ABCA13: variants seen among roughly 807,000 people sequenced by gnomAD.
ABCA13 encodes ATP binding cassette subfamily A member 13, also known as ATP-binding cassette sub-family A member 13.
Under a neutral mutation model 478.7 loss-of-function variants are expected in ABCA13, and 476 were observed. That is an observed-to-expected ratio of 0.99 (90% CI 0.92 to 1.07). ABCA13 has a LOEUF of 1.07. Among genes scored for constraint, ABCA13 ranks in the 50% least tolerant of loss-of-function variants. The probability of loss-of-function intolerance (pLI) is 0.00; values close to 1 mark genes in which losing one functional copy is unlikely to be tolerated. For synonymous variants in ABCA13, 2,252 were observed against 2,158.9 expected, an observed-to-expected ratio of 1.04 and a Z score of -1.20; for missense variants, 6,060 against 5,910.6, an observed-to-expected ratio of 1.03 and a Z score of -0.83.
intron 55 of ABCA13, among the ~76,000 whole-genome samples, chr7:48,573,180 T>C (rs1347495760): frequency 1.3e-5 from 2 of 152,122 alleles, no homozygotes; most frequent in Admixed American, 6.5e-5. Context: ...AGTTATAAAA[T>C]TTTTATTTGA....
At chr7:48,402,661 A>T (rs985827118) in intron 38 of ABCA13, among the ~76,000 whole-genome samples, 6 of 152,230 alleles carry the variant, frequency 3.9e-5, no homozygotes, top group African/African-American at 1.4e-4. Context: ...TTACTTAGTC[A>T]TCAGGCAGAA....
At chr7:48,254,009 A>T (rs1792992134) in intron 15 of ABCA13, among the ~76,000 whole-genome samples, 1 of 144,330 alleles carries the variant, frequency 6.9e-6, no homozygotes, top group Non-Finnish European at 1.5e-5. Flanking sequence ...TGTTTTCTTT[A>T]GTCTCTATGC....
intron 57 of ABCA13, among the ~76,000 whole-genome samples, chr7:48,594,317 C>A (rs375390849): frequency 1.9e-4 from 29 of 152,058 alleles, no homozygotes; most frequent in African/African-American, 7.0e-4. Context: ...CCCTCAAGTT[C>A]ACAGATTTTT....
chr7:48,471,549 C>T lies in ABCA13; in HGVS notation c.12925C>T (p.Arg4309Cys), dbSNP rs763439416. The T allele has an allele frequency of 1.0e-4, 159 of 1,561,432 alleles. No individual in the cohort carries two copies. Among genetic ancestry groups the T allele is most frequent in the African/African-American group, 3.3e-4 (24 of 73,808 alleles). Residue 4309 changes from arginine to cysteine, a missense_variant, in exon 45 of 62, where the codon CGC (arginine) becomes TGC (cysteine). This residue lies in a region of ABCA13 where 1,627 missense variants were observed against 1,571.0 expected (regional missense o/e 1.04). Transcript: ENST00000435803. ...NPRQKNSSCW[R>C]TDPFSHPEFQ... The stretch of plus-strand genomic sequence containing the variant: ...TTTTAGGAAGAATTCTTCATGCTGG[C>T]GCACAGATCCCTTTTCTCACCCAGA...
intron 27 of ABCA13, among the ~76,000 whole-genome samples, chr7:48,330,237 CCATCCATT>C (rs1805088678): frequency 6.6e-6 from 1 of 151,762 alleles, no homozygotes; most frequent in Non-Finnish European, 1.5e-5. Flanking sequence ...ATTCACATAT[CCATCCATT>C]CATCCATGTA....
intron 42 of ABCA13, among the ~76,000 whole-genome samples, chr7:48,433,427 G>T (rs1822408419): frequency 6.7e-6 from 1 of 149,172 alleles, no homozygotes; most frequent in Non-Finnish European, 1.5e-5. Flanking sequence ...TAGCAAATGT[G>T]TTTTTATATA....
intron 42 of ABCA13, 106 bp from the exon 43 acceptor site, chr7:48,454,931 C>A (rs965226366): frequency 5.7e-6 from 8 of 1,397,670 alleles, no homozygotes; most frequent in Non-Finnish European, 6.5e-6. Context: ...GCGTCGCATT[C>A]CCATGGCTGC....
At chr7:48,371,253 A>T (rs1812584189) in intron 32 of ABCA13, among the ~76,000 whole-genome samples, 1 of 151,962 alleles carries the variant, frequency 6.6e-6, no homozygotes, top group African/African-American at 2.4e-5. Flanking sequence ...GATTGTCTTG[A>T]CTATACAGGC....
At chr7:48,453,957 A>G (rs754747938) in intron 42 of ABCA13, among the ~76,000 whole-genome samples, 6 of 152,192 alleles carry the variant, frequency 3.9e-5, no homozygotes, top group Non-Finnish European at 8.8e-5. Flanking sequence ...CAATGCTGTG[A>G]CAAATGATGT....
chr7:48,366,459 T>C (rs1199293638), intron 31 of ABCA13, among the ~76,000 whole-genome samples: 1 of 152,082 alleles, frequency 6.6e-6, no homozygotes, highest in Non-Finnish European at 1.5e-5. Flanking sequence ...TTTAGTCCTT[T>C]CTGTGCTGCT....
chr7:48,627,767 C>T lies in ABCA13; in HGVS notation c.14837+12390C>T, dbSNP rs372053719. Among the ~76,000 whole-genome samples the T allele has an allele frequency of 2.1e-3, 327 of 152,246 alleles. 2 individuals are homozygous for T. The highest frequency in any genetic ancestry group is 7.0e-3 in the African/African-American group (291 of 41,542). On this transcript the variant is annotated intron_variant, in intron 59 of 61. Transcript: ENST00000435803. The stretch of plus-strand genomic sequence containing the variant: ...CCTAGATTTGGTGGCTGCCTCTGGT[C>T]GGCTTCTGGTGAGGGCCTAGTGCTG...
intron 30 of ABCA13, among the ~76,000 whole-genome samples, chr7:48,351,358 A>G (rs533704702): frequency 1.3e-5 from 2 of 152,330 alleles, no homozygotes; most frequent in East Asian, 3.9e-4. Context: ...TTAGTTTCTT[A>G]AGGTTGCTGT....
At chr7:48,367,187 A>G (rs554051233) in intron 31 of ABCA13, among the ~76,000 whole-genome samples, 1 of 152,242 alleles carries the variant, frequency 6.6e-6, no homozygotes, top group Admixed American at 6.5e-5. Flanking sequence ...AAAAGAGAGG[A>G]GGAGGGAATG....
chr7:48,465,524 CTTTTT>C lies in ABCA13; in HGVS notation c.12816-1421_12816-1417del, dbSNP rs71552482. ...CTGTGGTTGCTTACATTTCTTCTTT[CTTTTT>C]TTTTTTTTTTGCATTTTCTGTTTTA... On this transcript the variant is annotated intron_variant, in intron 43 of 61. Coordinates refer to ENST00000435803, the MANE Select transcript of ABCA13 (RefSeq NM_152701.5). Among the ~76,000 whole-genome samples, 3 of 134,466 alleles carry C rather than the reference CTTTTT, an allele frequency of 2.2e-5. No homozygotes were observed. In the East Asian group the frequency reaches 6.4e-4, roughly 29 times the overall value. The allele number at this position is 134,466 out of a possible 152,430, so 88.2% of individuals were successfully genotyped here. A position where few individuals can be genotyped will look rare whatever the true frequency, so the allele number is the denominator to read the frequency against.
intron 25 of ABCA13, 120 bp from the exon 26 acceptor site, chr7:48,314,112 C>A (rs993335192): frequency 7.7e-6 from 9 of 1,167,492 alleles, no homozygotes; most frequent in Non-Finnish European, 1.1e-5. Flanking sequence ...ACATTCCATT[C>A]TTTTGACTTG....
intron 42 of ABCA13, among the ~76,000 whole-genome samples, chr7:48,440,755 C>A (rs1002243960): frequency 2.6e-5 from 4 of 151,686 alleles, no homozygotes; most frequent in Admixed American, 2.0e-4. Context: ...TATGCTTATA[C>A]ATCTGTTTTA....
At chr7:48,506,235 T>A in intron 48 of ABCA13, 101 bp from the exon 49 acceptor site, 1 of 1,302,328 alleles carries the variant, frequency 7.7e-7, no homozygotes, top group Admixed American at 1.9e-5. Context: ...GCAAGCAGGA[T>A]ACATTGTGAT....
chr7:48,356,645 G>A (rs1424631465), intron 31 of ABCA13, among the ~76,000 whole-genome samples: 6 of 151,744 alleles, frequency 4.0e-5, no homozygotes, highest in Admixed American at 3.9e-4. Flanking sequence ...TATTTTTCAT[G>A]TAGTATCTAC....
At position 48,528,238 on chromosome 7, in the gene ABCA13, C is replaced by A; in HGVS notation, c.14247C>A (p.Cys4749Ter). 6.4e-7 allele frequency: 1 copy of A among 1,569,478 alleles called. No homozygotes were observed. The highest frequency in any genetic ancestry group is 8.7e-7 in the Non-Finnish European group (1 of 1,155,696). ...TACTTAACTTTGTTTCCTCTTAGTG[C>A]TTTGGACTTCTAGGGGTGAATGGAG... The part of the protein sequence containing the change: ...DISLGIPKGE[C>*]FGLLGVNGAG... The change falls in exon 55 of 62, where the codon TGC becomes TGA. Residue 4749 changes from cysteine to a stop codon, truncating the protein, a stop_gained and splice_region_variant. Transcript: ENST00000435803. LOFTEE classifies it high-confidence loss of function.
Sources: gnomAD v4.1 joint callset for allele counts (sites outside exome capture counted in the v4.1 genomes callset) on GRCh38, gnomAD v4.1.1 for gene constraint, gnomAD v4.1.1 regional missense constraint, MANE v1.5 for transcripts, NCBI Gene and HGNC (gene_info 2026-07-23, HGNC 2026-07-21) for gene names.